ROR1: variants seen among roughly 807,000 people sequenced by gnomAD.
ROR1 encodes the protein ROR family WNT receptor 1, also known as inactive tyrosine-protein kinase transmembrane receptor ROR1.
In ROR1, 19 loss-of-function variants were observed where a neutral mutation model predicts 78.8. The ratio of observed to expected loss-of-function variants is 0.24; its 90% CI spans 0.17 to 0.35. ROR1 has a LOEUF of 0.35. Among genes scored for constraint, ROR1 ranks in the 10% least tolerant of loss-of-function variants. ROR1 has a pLI of 1.00. For missense variants in ROR1, 917 were observed against 1,177.8 expected (o/e 0.78, Z 3.24); for synonymous variants, 386 against 433.6 (o/e 0.89, Z 1.36).
At chr1:63,927,508 A>G (rs1257473145) in intron 1 of ROR1, among the ~76,000 whole-genome samples, 4 of 151,078 alleles carry the variant, frequency 2.6e-5, no homozygotes, top group Non-Finnish European at 5.9e-5. Context: ...TTGGTATCAG[A>G]ATGATGCTGG....
intron 1 of ROR1, chr1:63,788,943 T>G (rs1465064821): frequency 1.3e-6 from 1 of 749,024 alleles, no homozygotes; most frequent in Non-Finnish European, 2.3e-6. Context: ...GTACAGGCTG[T>G]GATACATGAG....
At chr1:63,829,609 G>A (rs1359991940) in intron 1 of ROR1, among the ~76,000 whole-genome samples, 1 of 152,188 alleles carries the variant, frequency 6.6e-6, no homozygotes, top group Non-Finnish European at 1.5e-5. Context: ...GAGTCTGGAA[G>A]TGCAGAACCA....
At chr1:63,914,383 C>G (rs1028671910) in intron 1 of ROR1, among the ~76,000 whole-genome samples, 2 of 152,110 alleles carry the variant, frequency 1.3e-5, no homozygotes, top group Non-Finnish European at 2.9e-5. Flanking sequence ...TGTGTGGTTT[C>G]ACTTCCTAGG....
At chr1:63,909,937 T>G (rs1406406015) in intron 1 of ROR1, among the ~76,000 whole-genome samples, 1 of 152,184 alleles carries the variant, frequency 6.6e-6, no homozygotes, top group African/African-American at 2.4e-5. Flanking sequence ...AATTTTACAC[T>G]GTGCTTCCTG....
chr1:64,162,443 G>T (rs1482755052), intron 8 of ROR1, among the ~76,000 whole-genome samples: 1 of 152,178 alleles, frequency 6.6e-6, no homozygotes, highest in African/African-American at 2.4e-5. Context: ...GGAAGTAAAA[G>T]CTTTTGATGA....
chr1:63,806,711 G>A (rs1014394595), intron 1 of ROR1, among the ~76,000 whole-genome samples: 1 of 152,150 alleles, frequency 6.6e-6, no homozygotes, highest in African/African-American at 2.4e-5. Context: ...CTCATGGTTA[G>A]TTTCCATTTT....
intron 8 of ROR1, among the ~76,000 whole-genome samples, chr1:64,176,042 A>G (rs1332648710): frequency 1.3e-5 from 2 of 152,252 alleles, no homozygotes; most frequent in Non-Finnish European, 2.9e-5. Context: ...AACAAATTAA[A>G]TGAAACATCA....
At chr1:63,798,679 G>A (rs916562599) in intron 1 of ROR1, among the ~76,000 whole-genome samples, 6 of 152,072 alleles carry the variant, frequency 3.9e-5, no homozygotes, top group Admixed American at 6.5e-5. Context: ...AACACATTGT[G>A]GCTATTTACT....
At chr1:63,874,670 T>G (rs1488102841) in intron 1 of ROR1, among the ~76,000 whole-genome samples, 4 of 152,170 alleles carry the variant, frequency 2.6e-5, no homozygotes, top group Non-Finnish European at 5.9e-5. Flanking sequence ...AAATGAATGA[T>G]GAATGAGTAA....
Position 64,049,997 on chromosome 1 carries a change from G to A in ROR1, c.451+19G>A, listed in dbSNP as rs1462216124. 8 of 1,612,904 alleles carry A rather than the reference G, an allele frequency of 5.0e-6. No homozygotes were observed. Among genetic ancestry groups the A allele is most frequent in the Non-Finnish European group, 5.9e-6 (7 of 1,179,472 alleles). ...AAGTTTGGTAAGCAGACCCCTACTG[G>A]GGATGGACTTTGGCCCTCAGCCCAA... On this transcript the variant is annotated intron_variant, in intron 3 of 8. Transcript: ENST00000371079.
At chr1:64,079,194 AT>A (rs1453785119) in intron 4 of ROR1, among the ~76,000 whole-genome samples, 1 of 152,238 alleles carries the variant, frequency 6.6e-6, no homozygotes, top group Non-Finnish European at 1.5e-5. Flanking sequence ...AACATTAAAC[AT>A]TAAAACATGT....
intron 1 of ROR1, among the ~76,000 whole-genome samples, chr1:63,913,370 A>C (rs1645585800): frequency 6.6e-6 from 1 of 152,140 alleles, no homozygotes; most frequent in Admixed American, 6.5e-5. Context: ...TTTAAACAAA[A>C]GTTCTCAGTG....
chr1:63,826,146 T>C (rs1226946621), intron 1 of ROR1, among the ~76,000 whole-genome samples: 4 of 152,200 alleles, frequency 2.6e-5, no homozygotes, highest in Middle Eastern at 6.3e-3. Context: ...GTTACCTAGG[T>C]AAACTTGTGT....
intron 4 of ROR1, among the ~76,000 whole-genome samples, chr1:64,054,692 T>G (rs1010996499): frequency 6.6e-5 from 10 of 152,192 alleles, no homozygotes; most frequent in Admixed American, 5.2e-4. Context: ...TTATCCTAGG[T>G]TTGTACAAAT....
intron 8 of ROR1, among the ~76,000 whole-genome samples, chr1:64,169,352 G>A (rs1443233213): frequency 6.6e-6 from 1 of 152,170 alleles, no homozygotes; most frequent in Non-Finnish European, 1.5e-5. Context: ...AAGGCAAGGA[G>A]GACCAAGTCA....
chr1:63,996,597 A>G (rs1452639378), intron 1 of ROR1, among the ~76,000 whole-genome samples: 1 of 152,204 alleles, frequency 6.6e-6, no homozygotes, highest in East Asian at 1.9e-4. Context: ...CCACTAATCC[A>G]GGAGTCCCTC....
intron 2 of ROR1, among the ~76,000 whole-genome samples, chr1:64,040,543 G>C (rs1329004953): frequency 6.6e-6 from 1 of 152,140 alleles, no homozygotes; most frequent in East Asian, 1.9e-4. Flanking sequence ...ACCATAGACT[G>C]GGTGGCTTAT....
At chr1:64,099,458 A>G (rs1569749467) in intron 4 of ROR1, among the ~76,000 whole-genome samples, 1 of 152,152 alleles carries the variant, frequency 6.6e-6, no homozygotes, top group Non-Finnish European at 1.5e-5. Context: ...AAGGATAACA[A>G]AAGTCATCGG....
intron 1 of ROR1, among the ~76,000 whole-genome samples, chr1:63,961,301 G>T (rs1646025738): frequency 6.6e-6 from 1 of 152,074 alleles, no homozygotes; most frequent in Admixed American, 6.6e-5. Context: ...ACTAAAACTA[G>T]AACTTCCATA....
Sources: gnomAD v4.1 joint callset for allele counts (sites outside exome capture counted in the v4.1 genomes callset) on GRCh38, gnomAD v4.1.1 for gene constraint, MANE v1.5 for transcripts, NCBI Gene and HGNC (gene_info 2026-07-23, HGNC 2026-07-21) for gene names.